Variants in PPP1R9A observed in about 807,000 individuals in gnomAD.
PPP1R9A encodes the protein neurabin-1.
Under a neutral mutation model 141.9 loss-of-function variants are expected in PPP1R9A, and 59 were observed. The observed-to-expected ratio is 0.42, with a 90% CI of 0.34 to 0.52. The LOEUF is 0.52. Ranked by LOEUF, PPP1R9A falls within the 20% of genes least tolerant of loss-of-function variation. The pLI, the probability that PPP1R9A is intolerant of heterozygous loss-of-function variation, is 0.10. For missense variants in PPP1R9A, 1,444 were observed against 1,611.9 expected (o/e 0.90, Z 1.78); for synonymous variants, 500 against 569.7 (o/e 0.88, Z 1.74).
intron 5 of PPP1R9A, among the ~76,000 whole-genome samples, chr7:95,176,107 G>A (rs1413674092): frequency 6.6e-6 from 1 of 151,812 alleles, no homozygotes; most frequent in African/African-American, 2.4e-5. Context: ...TCTCCTGCAG[G>A]ACCCAGGAGA....
At chr7:94,988,928 T>C (rs773647951) in intron 2 of PPP1R9A, among the ~76,000 whole-genome samples, 6 of 152,052 alleles carry the variant, frequency 3.9e-5, no homozygotes, top group Non-Finnish European at 7.4e-5. Flanking sequence ...TTTACTCCCA[T>C]GTAAAACTAC....
chr7:95,119,953 C>CT (rs10567531), intron 3 of PPP1R9A, among the ~76,000 whole-genome samples: 9 of 86,168 alleles, frequency 1.0e-4, no homozygotes, highest in South Asian at 4.2e-4. Flanking sequence ...AATATACTAT[C>CT]TTTTTTTTTT....
intron 2 of PPP1R9A, among the ~76,000 whole-genome samples, chr7:95,091,599 C>T (rs1425193939): frequency 2.6e-5 from 4 of 151,824 alleles, no homozygotes; most frequent in African/African-American, 9.7e-5. Flanking sequence ...CCGTCTTGGC[C>T]TCCCAAAGTG....
intron 17 of PPP1R9A, among the ~76,000 whole-genome samples, chr7:95,284,628 G>A (rs981007230): frequency 5.3e-5 from 8 of 151,992 alleles, no homozygotes; most frequent in Non-Finnish European, 1.2e-4. Context: ...AATAAATTTG[G>A]GACTGAATAC....
intron 2 of PPP1R9A, among the ~76,000 whole-genome samples, chr7:94,966,960 T>A (rs2151183275): frequency 6.6e-6 from 1 of 152,302 alleles, no homozygotes; most frequent in East Asian, 1.9e-4. Context: ...TTTTTTTCGT[T>A]GGTAGGCTAT....
intron 2 of PPP1R9A, among the ~76,000 whole-genome samples, chr7:94,975,416 GA>G: frequency 8.4e-6 from 1 of 118,400 alleles, no homozygotes; most frequent in East Asian, 2.9e-4. Flanking sequence ...AGAGGTCTTT[GA>G]AACTGCATCT....
intron 2 of PPP1R9A, among the ~76,000 whole-genome samples, chr7:95,104,673 A>T (rs1819266190): frequency 6.6e-6 from 1 of 152,190 alleles, no homozygotes; most frequent in Non-Finnish European, 1.5e-5. Context: ...AATACACTAG[A>T]TAATTCTACC....
chr7:95,199,683 T>C (rs1350820712), intron 6 of PPP1R9A, among the ~76,000 whole-genome samples: 3 of 152,220 alleles, frequency 2.0e-5, no homozygotes, highest in Admixed American at 6.5e-5. Flanking sequence ...TAATTTATTT[T>C]CTTACTTGGT....
At position 95,294,515 on chromosome 7, in the gene PPP1R9A, G is replaced by C. The variant is rs1013550011; in HGVS notation, c.*4212G>C. On this transcript the variant is annotated 3_prime_UTR_variant, in exon 20 of 20. Transcript: ENST00000433360. ...GGGGGAGGGCTGTACATTCCCAAAA[G>C]AAAGTAGTGTTATAGGAAATCCAAA... is the stretch of plus-strand genomic sequence containing the variant. 1 of 152,094 alleles carries C rather than the reference G, an allele frequency of 6.6e-6. No individual in the cohort carries two copies. Among genetic ancestry groups the C allele is most frequent in the African/African-American group, 2.4e-5 (1 of 41,416 alleles). The allele number at this position is 152,094 out of a possible 1,614,324, so 9.4% of individuals were successfully genotyped here.
At chr7:94,933,831 T>C (rs1794450977) in intron 2 of PPP1R9A, among the ~76,000 whole-genome samples, 1 of 152,162 alleles carries the variant, frequency 6.6e-6, no homozygotes, top group Admixed American at 6.5e-5. Context: ...AGCCTGTGTT[T>C]ACTGATGTAA....
intron 10 of PPP1R9A, among the ~76,000 whole-genome samples, chr7:95,251,445 A>G (rs1320060837): frequency 1.3e-5 from 2 of 152,308 alleles, no homozygotes; most frequent in East Asian, 3.9e-4. Flanking sequence ...CTACCTGACA[A>G]GTAATTATCT....
At chr7:95,102,353 T>G (rs940536557) in intron 2 of PPP1R9A, among the ~76,000 whole-genome samples, 4 of 152,198 alleles carry the variant, frequency 2.6e-5, no homozygotes, top group African/African-American at 9.7e-5. Context: ...TAACTTACCA[T>G]CAAATGTAGG....
At chr7:95,005,072 T>G (rs1803413732) in intron 2 of PPP1R9A, among the ~76,000 whole-genome samples, 2 of 152,196 alleles carry the variant, frequency 1.3e-5, no homozygotes, top group African/African-American at 4.8e-5. Context: ...GGCATTTTGT[T>G]GGTTGGGTGC....
At chr7:95,075,141 C>T (rs1814648079) in intron 2 of PPP1R9A, among the ~76,000 whole-genome samples, 1 of 152,152 alleles carries the variant, frequency 6.6e-6, no homozygotes, top group Non-Finnish European at 1.5e-5. Flanking sequence ...ATTGACTTCT[C>T]TTCCTTTATA....
chr7:95,195,145 A>C (rs546337429), intron 5 of PPP1R9A, among the ~76,000 whole-genome samples: 2 of 152,162 alleles, frequency 1.3e-5, no homozygotes. Context: ...CACATCATAC[A>C]TGGAAATCAA....
At chr7:95,201,148 T>G (rs932451698) in intron 6 of PPP1R9A, among the ~76,000 whole-genome samples, 1 of 152,208 alleles carries the variant, frequency 6.6e-6, no homozygotes, top group African/African-American at 2.4e-5. Flanking sequence ...TATGCAACAG[T>G]CCATAAGAAT....
chr7:95,121,363 C>T (rs190592454), intron 4 of PPP1R9A, among the ~76,000 whole-genome samples: 4 of 152,254 alleles, frequency 2.6e-5, no homozygotes, highest in Admixed American at 2.6e-4. Flanking sequence ...TGGCAGTCTG[C>T]ACCTTGGATA....
At chr7:95,226,454 A>G (rs1427940938) in intron 8 of PPP1R9A, among the ~76,000 whole-genome samples, 1 of 152,158 alleles carries the variant, frequency 6.6e-6, no homozygotes, top group Admixed American at 6.6e-5. Flanking sequence ...GAGACTTCCT[A>G]AAAAGTCTCT....
At chr7:95,230,059 C>G (rs992665101) in intron 8 of PPP1R9A, among the ~76,000 whole-genome samples, 1 of 152,080 alleles carries the variant, frequency 6.6e-6, no homozygotes, top group African/African-American at 2.4e-5. Flanking sequence ...TCCAGAAAAG[C>G]AAAAATAATC....
Sources: allele counts gnomAD v4.1 joint callset (sites outside exome capture counted in the v4.1 genomes callset), GRCh38; gene constraint gnomAD v4.1.1; transcripts MANE v1.5; gene names NCBI Gene and HGNC (gene_info 2026-07-23, HGNC 2026-07-21).